Variants in PGK1 observed in about 807,000 individuals in gnomAD.
PGK1 encodes the protein PRP 2.
A neutral mutation model predicts 26.9 loss-of-function variants in PGK1; 3 were observed. The ratio of observed to expected loss-of-function variants is 0.11; its 90% CI spans 0.05 to 0.29. The LOEUF (loss-of-function observed/expected upper bound fraction) is 0.29, where lower values mean the gene tolerates loss of function less well. Ranked by LOEUF, PGK1 falls within the 10% of genes least tolerant of loss-of-function variation. The pLI is 1.00. For synonymous variants in PGK1, 125 were observed against 115.3 expected (o/e 1.08, Z -0.54); for missense variants, 270 against 314.7 (o/e 0.86, Z 1.07).
chrX:78,123,038 T>G lies in PGK1; in HGVS notation c.756+89T>G, dbSNP rs928491105. ...GTAAAAAGAAAACAGTCTTTTGACA[T>G]GAGCCCTGAAAATTCCCATTTTTAT... On this transcript the variant is annotated intron_variant, in intron 7 of 10. Coordinates refer to ENST00000373316, the MANE Select transcript of PGK1 (RefSeq NM_000291.4). 33 of 732,143 alleles carry G rather than the reference T, an allele frequency of 4.5e-5. No homozygotes were observed. In the African/African-American group the frequency reaches 6.9e-4, roughly 15 times the overall value. The allele number at this position is 732,143 out of a possible 1,213,427, so 60.3% of individuals were successfully genotyped here.
At position 78,126,372 on chromosome X, in the gene PGK1, A is replaced by G. The variant is rs2078383872; in HGVS notation, c.*542A>G. 8.6e-6 allele frequency: 1 copy of G among 116,102 alleles called. No individual in the cohort carries two copies. Among genetic ancestry groups the G allele is most frequent in the South Asian group, 3.3e-4 (1 of 3,070 alleles). 9.6% of individuals were successfully genotyped at this position (116,102 alleles called of 1,213,427 possible). ...TATTGCTGAATGCAAGAAGTGGGGC[A>G]GCAGCAGTGGAGAGATGGGACAATT... On this transcript the variant is annotated 3_prime_UTR_variant, in exon 11 of 11. Coordinates refer to ENST00000373316, the MANE Select transcript of PGK1 (RefSeq NM_000291.4).
chrX:78,112,943 C>T lies in PGK1; in HGVS notation c.117-801C>T, dbSNP rs145141840. On this transcript the variant is annotated intron_variant, in intron 2 of 10. Coordinates refer to ENST00000373316, the MANE Select transcript of PGK1 (RefSeq NM_000291.4). ...TGCCTGGAGAAGCATGCTAGAGACT[C>T]AGATCCCAAGATTTTTGTTGGGAAC... Among the ~76,000 whole-genome samples the T allele has an allele frequency of 6.5e-3, 730 of 112,003 alleles. 7 individuals carry two copies. The highest frequency in any genetic ancestry group is 9.0e-3 in the Non-Finnish European group (477 of 53,186).
rs782741250 is a variant in PGK1, at chrX:78,126,100, TAAAAAG to T, written c.*274_*279del. On this transcript the variant is annotated 3_prime_UTR_variant, in exon 11 of 11. Transcript: ENST00000373316. ...GTGCATATATTTATATTTTGCCTGT[TAAAAAG>T]AAAGTGAGCAGTGTTAGCTTAGTTC... is the stretch of plus-strand genomic sequence containing the variant. 9.1e-5 allele frequency: 35 copies of T among 383,887 alleles called. No individual in the cohort carries two copies. In the South Asian group the frequency reaches 1.4e-3, roughly 16 times the overall value. 31.6% of individuals were successfully genotyped at this position (383,887 alleles called of 1,213,427 possible).
rs782224294 is a variant in PGK1 at position 78,113,837 on chromosome X, G to A, written c.210G>A (p.Val70=). The A allele has an allele frequency of 2.5e-6, 3 of 1,210,516 alleles. No individual in the cohort carries two copies. The East Asian group carries it at 8.9e-5, about 36-fold the overall frequency. ...GCCACCTAGGCCGGCCTGATGGTGT[G>A]CCCATGCCTGACAAGTACTCCTTAG... The part of the protein sequence containing the change: ...LMSHLGRPDG[V]PMPDKYSLEP... The change falls in exon 3 of 11, where the codon GTG becomes GTA. Residue 70 remains valine, a synonymous_variant. Transcript: ENST00000373316.
intron 1 of PGK1, among the ~76,000 whole-genome samples, chrX:78,105,313 C>T (rs1206672348): frequency 1.8e-5 from 2 of 111,622 alleles, no homozygotes; most frequent in Non-Finnish European, 1.9e-5. Context: ...TTGTGCATAC[C>T]AGGAGCAAGG....
chrX:78,129,189 ACT>A lies in PGK1; in HGVS notation c.*3362_*3363del, dbSNP rs1487154447. On this transcript the variant is annotated 3_prime_UTR_variant, in exon 11 of 11. Coordinates refer to ENST00000373316, the MANE Select transcript of PGK1 (RefSeq NM_000291.4). ...GCACTCCAGCCTGGGCAACAGTGAG[ACT>A]CTGCATAAAGAGCATACCCATGTGT... 5.5e-5 allele frequency: 6 copies of A among 109,576 alleles called. No homozygotes were observed. Among genetic ancestry groups the A allele is most frequent in the Non-Finnish European group, 9.5e-5 (5 of 52,703 alleles). 9.0% of individuals were successfully genotyped at this position (109,576 alleles called of 1,213,427 possible). A position where few individuals can be genotyped will look rare whatever the true frequency, so the allele number is the denominator to read the frequency against.
intron 1 of PGK1, among the ~76,000 whole-genome samples, chrX:78,105,901 G>A (rs1192450242): frequency 1.8e-5 from 2 of 111,841 alleles, no homozygotes; most frequent in Non-Finnish European, 1.9e-5. Flanking sequence ...GTAAAAAACA[G>A]GACAGGTGGA....
At position 78,125,997 on chromosome X, in the gene PGK1, C is replaced by T. The variant is rs782304115; in HGVS notation, c.*167C>T. The T allele has an allele frequency of 2.7e-5, 14 of 516,263 alleles. No individual in the cohort carries two copies. Among genetic ancestry groups the T allele is most frequent in the Admixed American group, 7.8e-5 (3 of 38,278 alleles). 42.5% of individuals were successfully genotyped at this position (516,263 alleles called of 1,213,427 possible). On this transcript the variant is annotated 3_prime_UTR_variant, in exon 11 of 11. Coordinates refer to ENST00000373316, the MANE Select transcript of PGK1 (RefSeq NM_000291.4). ...GTTGCACAGCATCTCAGCTCATCTTCACTGCACCCTGGATTTGCATACATT... is the reference window on the plus strand; with the variant it reads ...GTTGCACAGCATCTCAGCTCATCTTTACTGCACCCTGGATTTGCATACATT...
intron 6 of PGK1, among the ~76,000 whole-genome samples, chrX:78,120,000 C>A (rs2078346038): frequency 9.0e-6 from 1 of 111,328 alleles, no homozygotes; most frequent in Non-Finnish European, 1.9e-5. Context: ...CTTCAACTTT[C>A]TGTAGACCTG....
chrX:78,120,356 T>TAC (rs200090544), intron 6 of PGK1, among the ~76,000 whole-genome samples: 27,213 of 106,510 alleles, frequency 0.26, 3,091 homozygotes, highest in East Asian at 0.36. Flanking sequence ...CACATATATA[T>TAC]ACACACACAC....
At chrX:78,125,152 TA>T in intron 9 of PGK1, 101 bp downstream of exon 9, 1 of 836,369 alleles carries the variant, frequency 1.2e-6, no homozygotes, top group Non-Finnish European at 1.8e-6. Context: ...TTATTCTGGG[TA>T]AATGTTAAGA....
At position 78,123,029 on chromosome X, in the gene PGK1, C is replaced by G. The variant is rs188885226; in HGVS notation, c.756+80C>G. The G allele has an allele frequency of 4.0e-6, 3 of 746,414 alleles. No homozygotes were observed. In the African/African-American group the frequency reaches 6.2e-5, roughly 15 times the overall value. The allele number at this position is 746,414 out of a possible 1,213,427, so 61.5% of individuals were successfully genotyped here. On this transcript the variant is annotated intron_variant, in intron 7 of 10. Coordinates refer to ENST00000373316, the MANE Select transcript of PGK1 (RefSeq NM_000291.4). ...TGTATAAATGTAAAAAGAAAACAGTCTTTTGACATGAGCCCTGAAAATTCC... is the reference window on the plus strand; with the variant it reads ...TGTATAAATGTAAAAAGAAAACAGTGTTTTGACATGAGCCCTGAAAATTCC...
rs2078388779 is a variant in PGK1 at position 78,127,577 on chromosome X, C to G, written c.*1747C>G. 8.9e-6 allele frequency: 1 copy of G among 111,815 alleles called. No individual in the cohort carries two copies. Among genetic ancestry groups the G allele is most frequent in the Non-Finnish European group, 1.9e-5 (1 of 53,195 alleles). 9.2% of individuals were successfully genotyped at this position (111,815 alleles called of 1,213,427 possible). A position where few individuals can be genotyped will look rare whatever the true frequency, so the allele number is the denominator to read the frequency against. On this transcript the variant is annotated 3_prime_UTR_variant, in exon 11 of 11. Coordinates refer to ENST00000373316, the MANE Select transcript of PGK1 (RefSeq NM_000291.4). ...GATTCAAGTCCAGGTTTGTCTGGTTCCAGTGGCTGATGCTTTTCCAATGTG... is the reference window on the plus strand; with the variant it reads ...GATTCAAGTCCAGGTTTGTCTGGTTGCAGTGGCTGATGCTTTTCCAATGTG...
chrX:78,114,956 T>C (rs1472513569), intron 4 of PGK1, among the ~76,000 whole-genome samples: 1 of 112,332 alleles, frequency 8.9e-6, no homozygotes, highest in African/African-American at 3.2e-5. Context: ...TTCTGGTCTT[T>C]AGTATCTCGG....
intron 6 of PGK1, among the ~76,000 whole-genome samples, chrX:78,120,787 C>T (rs1233471825): frequency 2.7e-5 from 3 of 111,965 alleles, no homozygotes; most frequent in African/African-American, 9.7e-5. Flanking sequence ...TGAGCTTGTG[C>T]CCTGCTGTCA....
At chrX:78,123,457 G>A in intron 8 of PGK1, 83 bp downstream of exon 8, 3 of 789,885 alleles carry the variant, frequency 3.8e-6, no homozygotes, top group South Asian at 4.4e-5. Context: ...CAATCAACAA[G>A]CATTTTAAAA....
rs782543312 is a variant in PGK1, at chrX:78,113,794, A to G, written c.167A>G (p.Lys56Arg). 2.5e-6 allele frequency: 3 copies of G among 1,208,561 alleles called. No homozygotes were observed. Among genetic ancestry groups the G allele is most frequent in the East Asian group, 3.0e-5 (1 of 33,841 alleles). Residue 56 changes from lysine (K) to arginine (R), a missense_variant, in exon 3 of 11, where the codon AAG (lysine) becomes AGG (arginine). Physicochemically the swap from Lys to Arg is conservative, Grantham distance 26 (BLOSUM62 2). Coordinates refer to ENST00000373316, the MANE Select transcript of PGK1 (RefSeq NM_000291.4). Reference sequence around the variant, plus strand: ...AAATTCTGCTTGGACAATGGAGCCAAGTCGGTAGTCCTTATGAGCCACCTA... The same window carrying G: ...AAATTCTGCTTGGACAATGGAGCCAGGTCGGTAGTCCTTATGAGCCACCTA... ...SIKFCLDNGA[K>R]SVVLMSHLGR... is the part of the protein sequence containing the mutation.
At chrX:78,112,332 T>TG (rs1365805083) in intron 2 of PGK1, among the ~76,000 whole-genome samples, 1 of 112,670 alleles carries the variant, frequency 8.9e-6, no homozygotes, top group African/African-American at 3.2e-5. Context: ...GAATGATGCC[T>TG]GGCACAAAAG....
intron 4 of PGK1, among the ~76,000 whole-genome samples, chrX:78,116,036 T>TC (rs1453791106): frequency 6.4e-5 from 7 of 109,188 alleles, no homozygotes; most frequent in African/African-American, 2.3e-4. Flanking sequence ...TTTTTTTTTT[T>TC]CCTGGTAGAG....
Sources: allele counts gnomAD v4.1 joint callset (sites outside exome capture counted in the v4.1 genomes callset), GRCh38; gene constraint gnomAD v4.1.1; transcripts MANE v1.5; gene names NCBI Gene and HGNC (gene_info 2026-07-23, HGNC 2026-07-21).